CDC42SE2: variants seen among roughly 807,000 people sequenced by gnomAD.
CDC42SE2 encodes the protein CDC42 small effector protein 2.
CDC42SE2 carries 3 observed loss-of-function variants against 11.5 expected under a neutral mutation model. The observed-to-expected ratio is 0.26, with a 90% confidence interval of 0.12 to 0.67. CDC42SE2 has a LOEUF of 0.67. Ranked by LOEUF, CDC42SE2 falls within the 30% of genes least tolerant of loss-of-function variation. CDC42SE2 has a pLI of 0.80. For missense variants in CDC42SE2, 82 were observed against 106.8 expected, an observed-to-expected ratio of 0.77 and a Z score of 1.02; for synonymous variants, 33 against 34.8, an observed-to-expected ratio of 0.95 and a Z score of 0.18.
the CDC42SE2 span, among the ~76,000 whole-genome samples, chr5:131,220,223 GT>G: frequency 2.0e-5 from 3 of 152,014 alleles, no homozygotes. Flanking sequence ...TTGTTTGTTT[GT>G]TTTTGAGATG....
intron 4 of CDC42SE2, among the ~76,000 whole-genome samples, chr5:131,387,004 G>A (rs771438294): frequency 3.3e-5 from 5 of 152,224 alleles, no homozygotes; most frequent in Non-Finnish European, 7.3e-5. Flanking sequence ...TTTTAAATCC[G>A]TAGGAAAAGT....
the CDC42SE2 span, among the ~76,000 whole-genome samples, chr5:131,223,120 A>C: frequency 6.6e-6 from 1 of 152,226 alleles, no homozygotes; most frequent in African/African-American, 2.4e-5. Context: ...TTAAAAATAG[A>C]AAATTGTTTT....
At chr5:131,325,608 A>G (rs1254140598) in intron 2 of CDC42SE2, among the ~76,000 whole-genome samples, 2 of 152,158 alleles carry the variant, frequency 1.3e-5, no homozygotes, top group African/African-American at 4.8e-5. Context: ...TTTAGCCTGA[A>G]CAAAACAGCT....
At chr5:131,341,549 T>C (rs571360873) in intron 2 of CDC42SE2, among the ~76,000 whole-genome samples, 1 of 152,148 alleles carries the variant, frequency 6.6e-6, no homozygotes, top group Non-Finnish European at 1.5e-5. Flanking sequence ...GTGAGAAGGA[T>C]GAGAAGAGGA....
chr5:131,328,812 G>A (rs1273574498), intron 2 of CDC42SE2, among the ~76,000 whole-genome samples: 1 of 152,220 alleles, frequency 6.6e-6, no homozygotes, highest in Non-Finnish European at 1.5e-5. Context: ...GGAAAGGAAG[G>A]ACTTGGGACC....
rs141648632 is a variant in CDC42SE2, at chr5:131,332,014, C to T, written c.-286+15870C>T. 1.8e-3 allele frequency among the ~76,000 whole-genome samples: 279 copies of T among 152,200 alleles called. 1 individual carries two copies. Among genetic ancestry groups the T allele is most frequent in the African/African-American group, 5.7e-3 (237 of 41,510 alleles). On this transcript the variant is annotated intron_variant, in intron 2 of 4. Transcript: ENST00000505065. ...TAAGTTTTAGGGTACATGTGCACAACGTGCAAGTTTGTTACATATGTATAC... is the reference window on the plus strand; with the variant it reads ...TAAGTTTTAGGGTACATGTGCACAATGTGCAAGTTTGTTACATATGTATAC...
intron 1 of CDC42SE2, among the ~76,000 whole-genome samples, chr5:131,271,233 A>G (rs186001130): frequency 6.6e-6 from 1 of 152,276 alleles, no homozygotes; most frequent in African/African-American, 2.4e-5. Flanking sequence ...AGAACTGCCC[A>G]TGCTTTATTG....
chr5:131,238,687 AT>A, the CDC42SE2 span, among the ~76,000 whole-genome samples: 5,280 of 150,810 alleles, frequency 0.035, 312 homozygotes, highest in African/African-American at 0.12. Context: ...CCATTTTACT[AT>A]TTTTTTTTCT....
chr5:131,322,556 A>G (rs1758214280), intron 2 of CDC42SE2, among the ~76,000 whole-genome samples: 1 of 152,292 alleles, frequency 6.6e-6, no homozygotes, highest in Non-Finnish European at 1.5e-5. Flanking sequence ...TTTATTGCCC[A>G]GGCTGGACTT....
At chr5:131,353,647 C>T (rs1249753966) in intron 2 of CDC42SE2, among the ~76,000 whole-genome samples, 4 of 151,512 alleles carry the variant, frequency 2.6e-5, no homozygotes, top group Admixed American at 6.6e-5. Context: ...GGCTCATGCC[C>T]GTAATCCCAG....
intron 1 of CDC42SE2, among the ~76,000 whole-genome samples, chr5:131,306,157 C>T (rs1027780021): frequency 3.9e-5 from 6 of 152,094 alleles, no homozygotes; most frequent in African/African-American, 1.2e-4. Context: ...AATCTTGTGC[C>T]GTCCTGCCTT....
chr5:131,336,617 G>A (rs978813082), intron 2 of CDC42SE2, among the ~76,000 whole-genome samples: 7 of 152,126 alleles, frequency 4.6e-5, no homozygotes, highest in Non-Finnish European at 8.8e-5. Context: ...CCATTGAGAC[G>A]TATATTTGGT....
intron 1 of CDC42SE2, among the ~76,000 whole-genome samples, chr5:131,292,802 C>T (rs1472995684): frequency 6.7e-6 from 1 of 148,936 alleles, no homozygotes; most frequent in Admixed American, 6.7e-5. Flanking sequence ...GTCCCAGCTC[C>T]TTGGGAGCCT....
chr5:131,354,148 G>A (rs1749463142), intron 2 of CDC42SE2, among the ~76,000 whole-genome samples: 1 of 152,122 alleles, frequency 6.6e-6, no homozygotes, highest in South Asian at 2.1e-4. Context: ...ATTAAGGGTA[G>A]GATGGTTTGA....
At chr5:131,309,394 G>A (rs951975813) in intron 1 of CDC42SE2, among the ~76,000 whole-genome samples, 2 of 152,082 alleles carry the variant, frequency 1.3e-5, no homozygotes, top group African/African-American at 4.8e-5. Flanking sequence ...CAAGGATATT[G>A]GTCTAAAATT....
intron 2 of CDC42SE2, among the ~76,000 whole-genome samples, chr5:131,322,103 G>T (rs1186354475): frequency 6.6e-6 from 1 of 152,126 alleles, no homozygotes; most frequent in African/African-American, 2.4e-5. Flanking sequence ...ACCTGCCTCG[G>T]GCTCCCAAAG....
chr5:131,380,375 G>A (rs1750286570), intron 3 of CDC42SE2, among the ~76,000 whole-genome samples: 1 of 152,016 alleles, frequency 6.6e-6, no homozygotes, highest in Non-Finnish European at 1.5e-5. Context: ...TTGAACTCCT[G>A]ACCTCAAGTG....
intron 3 of CDC42SE2, among the ~76,000 whole-genome samples, chr5:131,381,190 C>T (rs1387016727): frequency 1.3e-5 from 2 of 152,168 alleles, no homozygotes; most frequent in Non-Finnish European, 2.9e-5. Context: ...AGTCTCTTAT[C>T]TCCAGTTTGG....
chr5:131,344,228 G>A (rs1758781578), intron 2 of CDC42SE2, among the ~76,000 whole-genome samples: 2 of 152,226 alleles, frequency 1.3e-5, no homozygotes, highest in South Asian at 4.1e-4. Context: ...AAGCGCAGGG[G>A]ATCGGGGAAT....
Sources: allele counts gnomAD v4.1 joint callset (sites outside exome capture counted in the v4.1 genomes callset), GRCh38; gene constraint gnomAD v4.1.1; transcripts MANE v1.5; gene names NCBI Gene and HGNC (gene_info 2026-07-23, HGNC 2026-07-21).